The following DRC11 variants were observed in gnomAD, a reference collection of about 807,000 sequenced individuals.
DRC11 encodes the protein dynein regulatory complex subunit 11.
chr2:236,459,518 C>CAT, the DRC11 span, among the ~76,000 whole-genome samples: 1 of 92,316 alleles, frequency 1.1e-5, no homozygotes, highest in Non-Finnish European at 2.3e-5. Context: ...TATACGTATA[C>CAT]ATGTATACAT....
At chr2:236,319,831 AG>A in the DRC11 span, among the ~76,000 whole-genome samples, 2 of 152,168 alleles carry the variant, frequency 1.3e-5, no homozygotes, top group African/African-American at 4.8e-5. This position sits in a 1 kb window ranked among gnomAD's most constrained non-coding sequence, Gnocchi z 6.7. Context: ...CCATCAGAAA[AG>A]GGTTCTTGCA....
the DRC11 span, among the ~76,000 whole-genome samples, chr2:236,315,891 T>C: frequency 4.1e-4 from 62 of 152,238 alleles, 1 homozygote; most frequent in East Asian, 0.012. This position sits in a 1 kb window ranked among gnomAD's most constrained non-coding sequence, Gnocchi z 5.1. Flanking sequence ...AGGGAATGCA[T>C]GCTGGGCTTA....
chr2:236,470,603 G>C, the DRC11 span, among the ~76,000 whole-genome samples: 1 of 152,262 alleles, frequency 6.6e-6, no homozygotes, highest in East Asian at 1.9e-4. This position sits in a 1 kb window ranked among gnomAD's most constrained non-coding sequence, Gnocchi z 5.1. Context: ...GTGTTCTTTA[G>C]TTTGTTAAAA....
the DRC11 span, among the ~76,000 whole-genome samples, chr2:236,322,229 CTTT>C: frequency 0.08 from 7,827 of 97,824 alleles, 287 homozygotes; most frequent in African/African-American, 0.26. Context: ...TTTCTTTCCT[CTTT>C]TTTTTTTTTT....
At chr2:236,405,227 A>G in the DRC11 span, among the ~76,000 whole-genome samples, 2 of 151,948 alleles carry the variant, frequency 1.3e-5, no homozygotes, top group Non-Finnish European at 2.9e-5. The surrounding 1 kb of genome is among the most constrained non-coding windows in gnomAD (Gnocchi z 4.6). Flanking sequence ...GCCATTTTCC[A>G]TCTCCATTGC....
the DRC11 span, among the ~76,000 whole-genome samples, chr2:236,505,969 C>A: frequency 5.3e-5 from 8 of 152,182 alleles, no homozygotes; most frequent in East Asian, 1.5e-3. Flanking sequence ...TCTATAGTTT[C>A]TCTCCCCCTA....
the DRC11 span, among the ~76,000 whole-genome samples, chr2:236,346,135 A>C: frequency 2.0e-5 from 3 of 151,542 alleles, no homozygotes; most frequent in Admixed American, 2.0e-4. Flanking sequence ...GCAGACCCAG[A>C]GTCACAGAAT....
At chr2:236,340,542 T>C in the DRC11 span, among the ~76,000 whole-genome samples, 1 of 151,872 alleles carries the variant, frequency 6.6e-6, no homozygotes, top group Non-Finnish European at 1.5e-5. Context: ...AAGCAGGTGG[T>C]GGGAGTGACT....
At chr2:236,504,785 C>T in the DRC11 span, among the ~76,000 whole-genome samples, 229 of 152,306 alleles carry the variant, frequency 1.5e-3, 3 homozygotes, top group African/African-American at 5.2e-3. The surrounding 1 kb of genome is among the most constrained non-coding windows in gnomAD (Gnocchi z 5.0). Context: ...CGAGATCGGA[C>T]GATTTTATCA....
At chr2:236,350,792 ACT>A in the DRC11 span, among the ~76,000 whole-genome samples, 2 of 152,050 alleles carry the variant, frequency 1.3e-5, no homozygotes, top group African/African-American at 4.8e-5. This position sits in a 1 kb window ranked among gnomAD's most constrained non-coding sequence, Gnocchi z 5.2. Flanking sequence ...TAAAACCATC[ACT>A]GTCTTGCCCT....
chr2:236,387,556 C>G, the DRC11 span, among the ~76,000 whole-genome samples: 1 of 152,124 alleles, frequency 6.6e-6, no homozygotes, highest in Non-Finnish European at 1.5e-5. Context: ...CTGTGTGTGT[C>G]TCTGCATGTG....
the DRC11 span, among the ~76,000 whole-genome samples, chr2:236,318,346 G>A: frequency 6.6e-6 from 1 of 152,172 alleles, no homozygotes; most frequent in African/African-American, 2.4e-5. This position sits in a 1 kb window ranked among gnomAD's most constrained non-coding sequence, Gnocchi z 7.0. Flanking sequence ...GCCCAGGGGT[G>A]TGCAGGCCAC....
chr2:236,408,189 C>T, the DRC11 span: 1 of 747,382 alleles, frequency 1.3e-6, no homozygotes, highest in South Asian at 1.3e-5. This position sits in a 1 kb window ranked among gnomAD's most constrained non-coding sequence, Gnocchi z 5.5. Flanking sequence ...GTTTGTCGTC[C>T]TTGATAAGGT....
the DRC11 span, among the ~76,000 whole-genome samples, chr2:236,498,419 C>G: frequency 6.6e-6 from 1 of 150,914 alleles, no homozygotes; most frequent in South Asian, 2.1e-4. Flanking sequence ...GACCCGAAAT[C>G]ATGCCGCTGC....
At chr2:236,484,530 A>G in the DRC11 span, among the ~76,000 whole-genome samples, 65 of 152,320 alleles carry the variant, frequency 4.3e-4, no homozygotes, top group African/African-American at 1.4e-3. Flanking sequence ...TATGGGCACC[A>G]ATTTCTTACA....
the DRC11 span, among the ~76,000 whole-genome samples, chr2:236,422,038 G>C: frequency 6.6e-6 from 1 of 152,090 alleles, no homozygotes. Context: ...AATAAATTAG[G>C]TATCGATGGG....
chr2:236,322,686 G>T, the DRC11 span, among the ~76,000 whole-genome samples: 2 of 152,300 alleles, frequency 1.3e-5, no homozygotes, highest in East Asian at 3.9e-4. Context: ...AGGAAAAAGG[G>T]AGTGAGTGTG....
the DRC11 span, among the ~76,000 whole-genome samples, chr2:236,473,959 C>T: frequency 2.6e-5 from 4 of 152,034 alleles, no homozygotes; most frequent in Non-Finnish European, 5.9e-5. The surrounding 1 kb of genome is among the most constrained non-coding windows in gnomAD (Gnocchi z 4.8). Flanking sequence ...ATGATTTCTA[C>T]ATTGGTATAG....
chr2:236,354,715 C>T, the DRC11 span, among the ~76,000 whole-genome samples: 8 of 152,202 alleles, frequency 5.3e-5, no homozygotes, highest in Non-Finnish European at 1.2e-4. Context: ...ACAACACCTG[C>T]GGATGCCACT....
Sources: gnomAD v4.1 joint callset for allele counts (sites outside exome capture counted in the v4.1 genomes callset) on GRCh38, gnomAD v4.1.1 for gene constraint, Gnocchi (gnomAD v3.1) non-coding constraint, MANE v1.5 for transcripts, NCBI Gene and HGNC (gene_info 2026-07-23, HGNC 2026-07-21) for gene names.